CSNK2A1: variants seen among roughly 807,000 people sequenced by gnomAD.
The protein encoded by CSNK2A1 is casein kinase 2 alpha 1.
A neutral mutation model predicts 62.9 loss-of-function variants in CSNK2A1; 10 were observed. That is an observed-to-expected ratio of 0.16 (90% CI 0.10 to 0.27). The LOEUF (loss-of-function observed/expected upper bound fraction) is 0.27, where lower values mean the gene tolerates loss of function less well. CSNK2A1 is among the 10% of genes least tolerant of loss of function. The pLI, the probability that CSNK2A1 is intolerant of heterozygous loss-of-function variation, is 1.00. For missense variants in CSNK2A1, 160 were observed against 492.0 expected (o/e 0.33, Z 6.38); for synonymous variants, 124 against 167.8 (o/e 0.74, Z 2.02).
chr20:530,630 C>G (rs550452155), intron 1 of CSNK2A1, among the ~76,000 whole-genome samples: 2 of 152,030 alleles, frequency 1.3e-5, no homozygotes, highest in African/African-American at 4.8e-5. Context: ...TGCGCCACCA[C>G]GCCCAGTTAA....
At chr20:526,979 G>C (rs111698171) in intron 2 of CSNK2A1, 6 of 138,876 alleles carry the variant, frequency 4.3e-5, no homozygotes, top group African/African-American at 1.4e-4. Context: ...GAGAGAGAGA[G>C]AGAGAAAGAG....
At chr20:537,601 C>T (rs780729289) in intron 1 of CSNK2A1, among the ~76,000 whole-genome samples, 18 of 152,164 alleles carry the variant, frequency 1.2e-4, no homozygotes, top group Non-Finnish European at 2.4e-4. Flanking sequence ...GCTACTTTTC[C>T]TTAATAATCC....
Position 480,398 on chromosome 20 carries a change from G to A in CSNK2A1, c.*3563C>T, listed in dbSNP as rs971895684. On this transcript the variant is annotated 3_prime_UTR_variant, in exon 14 of 14. Coordinates refer to ENST00000217244, the MANE Select transcript of CSNK2A1 (RefSeq NM_177559.3). ...CGTGCCATTCCATTCAATACTCTTC[G>A]ATCCTGAGGGAAAACGAACCCACTT... 9 of 151,452 alleles carry A rather than the reference G, an allele frequency of 5.9e-5. No individual in the cohort carries two copies. The highest frequency in any genetic ancestry group is 2.1e-4 in the South Asian group (1 of 4,804). The allele number at this position is 151,452 out of a possible 1,614,324, so 9.4% of individuals were successfully genotyped here. A position where few individuals can be genotyped will look rare whatever the true frequency, so the allele number is the denominator to read the frequency against.
chr20:522,134 A>G (rs552947615), intron 2 of CSNK2A1, among the ~76,000 whole-genome samples: 1 of 152,332 alleles, frequency 6.6e-6, no homozygotes, highest in African/African-American at 2.4e-5. Context: ...TGAACTGCAC[A>G]TGTGAGGAAT....
At chr20:497,600 T>C (rs2018371321) in intron 7 of CSNK2A1, 121 bp downstream of exon 7, 1 of 776,908 alleles carries the variant, frequency 1.3e-6, no homozygotes, top group Non-Finnish European at 2.1e-6. Flanking sequence ...AAAACTTATA[T>C]AGAGGTCCCT....
rs995998437 is a variant in CSNK2A1, at chr20:473,534, C to G, written c.*10427G>C. 1 of 152,114 alleles carries G rather than the reference C, an allele frequency of 6.6e-6. No individual in the cohort carries two copies. Among genetic ancestry groups the G allele is most frequent in the African/African-American group, 2.4e-5 (1 of 41,438 alleles). The allele number at this position is 152,114 out of a possible 1,614,324, so 9.4% of individuals were successfully genotyped here. A position where few individuals can be genotyped will look rare whatever the true frequency, so the allele number is the denominator to read the frequency against. Reference sequence around the variant, plus strand: ...CCCTCCACAGACTAAGGCTTTTGTCCGGTAGGGGATACAGGGAAGGGTCTG... The same window carrying G: ...CCCTCCACAGACTAAGGCTTTTGTCGGGTAGGGGATACAGGGAAGGGTCTG... On this transcript the variant is annotated 3_prime_UTR_variant, in exon 14 of 14. Transcript: ENST00000217244.
At chr20:524,074 T>G (rs1489197259) in intron 2 of CSNK2A1, among the ~76,000 whole-genome samples, 1 of 151,918 alleles carries the variant, frequency 6.6e-6, no homozygotes, top group East Asian at 1.9e-4. Flanking sequence ...TACTGTGTAT[T>G]AATTTAAAAA....
At chr20:530,920 A>G (rs2019199477) in intron 1 of CSNK2A1, among the ~76,000 whole-genome samples, 1 of 152,096 alleles carries the variant, frequency 6.6e-6, no homozygotes, top group African/African-American at 2.4e-5. Context: ...CCCCATTTGT[A>G]CTAAAAATAC....
intron 1 of CSNK2A1, among the ~76,000 whole-genome samples, chr20:541,983 C>G (rs1319639598): frequency 2.6e-5 from 4 of 152,174 alleles, no homozygotes; most frequent in South Asian, 2.1e-4. Context: ...ACTGGACTTT[C>G]AGCCCCAGGT....
chr20:520,165 TG>T, intron 2 of CSNK2A1, among the ~76,000 whole-genome samples: 1 of 152,176 alleles, frequency 6.6e-6, no homozygotes, highest in South Asian at 2.1e-4. Flanking sequence ...AATTGGAATA[TG>T]ATTAATTATA....
intron 1 of CSNK2A1, among the ~76,000 whole-genome samples, chr20:531,089 A>C (rs535123098): frequency 1.3e-5 from 2 of 152,312 alleles, no homozygotes; most frequent in South Asian, 2.1e-4. Flanking sequence ...CGTCTCAAAA[A>C]ACAAAAGAAA....
In CSNK2A1 at chr20:503,627, T is replaced by C. The variant is rs1488266132; in HGVS notation, c.213+1491A>G. The stretch of plus-strand genomic sequence containing the variant: ...TTACACTCCTCGTGATGGATTGTGT[T>C]ATACTCCTCGCGATGGCATATTTTT... On this transcript the variant is annotated intron_variant, in intron 4 of 13. Transcript: ENST00000217244. 5.0e-5 allele frequency: 20 copies of C among 398,578 alleles called. 1 individual carries two copies. The South Asian group carries it at 2.2e-3, about 43-fold the overall frequency. The allele number at this position is 398,578 out of a possible 1,614,324, so 24.7% of individuals were successfully genotyped here. A position where few individuals can be genotyped will look rare whatever the true frequency, so the allele number is the denominator to read the frequency against.
In CSNK2A1 at chr20:495,767, G is replaced by A; in HGVS notation, c.462C>T (p.His154=). 6.2e-7 allele frequency: 1 copy of A among 1,614,072 alleles called. No individual in the cohort carries two copies. Among genetic ancestry groups the A allele is most frequent in the Non-Finnish European group, 8.5e-7 (1 of 1,179,950 alleles). Residue 154 remains histidine, a synonymous_variant, in exon 8 of 14, where the codon CAC becomes CAT. Transcript: ENST00000217244. ...TGACATTATGGGGCTTGACATCTCT[G>A]TGCATAATTCCCATGCTGTGACAAT... ...LDYCHSMGIM[H]RDVKPHNVMI...
chr20:480,865 CA>C lies in CSNK2A1; in HGVS notation c.*3095del, dbSNP rs1199379476. The C allele has an allele frequency of 6.6e-6, 1 of 152,094 alleles. No individual in the cohort carries two copies. The highest frequency in any genetic ancestry group is 1.5e-5 in the Non-Finnish European group (1 of 68,018). 9.4% of individuals were successfully genotyped at this position (152,094 alleles called of 1,614,324 possible). ...AAAACTAAGAAGAAATTAAAATTCC[CA>C]AATCTGTCAACCAATCTCTAATTTT... is the stretch of plus-strand genomic sequence containing the variant. On this transcript the variant is annotated 3_prime_UTR_variant, in exon 14 of 14. Transcript: ENST00000217244.
chr20:524,692 G>A (rs1211830375), intron 2 of CSNK2A1, among the ~76,000 whole-genome samples: 1 of 124,160 alleles, frequency 8.1e-6, no homozygotes, highest in Non-Finnish European at 1.6e-5. Context: ...CAGCATGGGT[G>A]ACGGAGACTC....
rs2018325021 is a variant in CSNK2A1, at chr20:495,370, CA to C, written c.510+348del. 2.8e-5 allele frequency: 6 copies of C among 211,188 alleles called. No individual in the cohort carries two copies. In the Admixed American group the frequency reaches 3.1e-4, roughly 11 times the overall value. The allele number at this position is 211,188 out of a possible 1,614,324, so 13.1% of individuals were successfully genotyped here. A position where few individuals can be genotyped will look rare whatever the true frequency, so the allele number is the denominator to read the frequency against. ...ATTCTCACGAATACCTAGTCGCCTG[CA>C]GGGCTATTATTACCCACACTGTACA... On this transcript the variant is annotated intron_variant, in intron 8 of 13. Coordinates refer to ENST00000217244, the MANE Select transcript of CSNK2A1 (RefSeq NM_177559.3).
intron 3 of CSNK2A1, 129 bp downstream of exon 3, chr20:508,322 C>A: frequency 1.9e-6 from 2 of 1,039,670 alleles, no homozygotes; most frequent in South Asian, 4.3e-5. Context: ...CAAAAGAAAA[C>A]ACAAATTGGG....
chr20:498,335 CT>C (rs11477158), intron 6 of CSNK2A1: 12,465 of 119,570 alleles, frequency 0.1, 341 homozygotes, highest in South Asian at 0.22. Context: ...ATGGACATAT[CT>C]TTTTTTTTTT....
rs2122642496 is a variant in CSNK2A1, at chr20:531,370, C to T, written c.-226-3321G>A. 2.0e-5 allele frequency among the ~76,000 whole-genome samples: 3 copies of T among 152,250 alleles called. No individual in the cohort carries two copies. The South Asian group carries it at 6.2e-4, about 32-fold the overall frequency. On this transcript the variant is annotated intron_variant, in intron 1 of 13. Coordinates refer to ENST00000217244, the MANE Select transcript of CSNK2A1 (RefSeq NM_177559.3). ...CCACACGTAAACCTGGACAACTCTT[C>T]ATTTACCTTATTGACTCGACTCCTG...
Sources: gnomAD v4.1 joint callset for allele counts (sites outside exome capture counted in the v4.1 genomes callset) on GRCh38, gnomAD v4.1.1 for gene constraint, MANE v1.5 for transcripts, NCBI Gene and HGNC (gene_info 2026-07-23, HGNC 2026-07-21) for gene names.